The following MOCOS variants were observed in gnomAD, a reference collection of about 807,000 sequenced individuals.
MOCOS encodes human molybdenum cofactor sulfurase.
Under a neutral mutation model 83.6 loss-of-function variants are expected in MOCOS, and 86 were observed. The observed-to-expected ratio is 1.03, with a 90% CI of 0.86 to 1.23. MOCOS has a LOEUF of 1.23. MOCOS is among the 50% of genes most tolerant of loss of function. The pLI is 0.00. For synonymous variants in MOCOS, 445 were observed against 434.7 expected, an observed-to-expected ratio of 1.02 and a Z score of -0.29; for missense variants, 1,120 against 1,126.9, an observed-to-expected ratio of 0.99 and a Z score of 0.09.
chr18:36,200,369 G>A, intron 4 of MOCOS, 45 bp downstream of exon 4: 2 of 1,608,848 alleles, frequency 1.2e-6, no homozygotes, highest in Non-Finnish European at 1.7e-6. Flanking sequence ...CAGCAAGGTG[G>A]GGTCTGGCCT....
chr18:36,258,739 T>C (rs17672738), intron 12 of MOCOS, among the ~76,000 whole-genome samples: 1,664 of 152,330 alleles, frequency 0.011, 107 homozygotes, highest in Admixed American at 0.09. Flanking sequence ...AATACAGTTT[T>C]ACAGATGTAT....
chr18:36,238,495 G>A (rs1296996668), intron 9 of MOCOS, among the ~76,000 whole-genome samples: 2 of 149,084 alleles, frequency 1.3e-5, no homozygotes, highest in African/African-American at 4.9e-5. Flanking sequence ...TGTGGTCTGA[G>A]AGATAGTTTG....
At chr18:36,260,247 G>A in intron 13 of MOCOS, 72 bp downstream of exon 13, 2 of 1,585,160 alleles carry the variant, frequency 1.3e-6, no homozygotes, top group Non-Finnish European at 1.7e-6. Context: ...CCCAGACCTG[G>A]ATAGCTGCAG....
chr18:36,202,648 T>C (rs1246140267), intron 4 of MOCOS, among the ~76,000 whole-genome samples: 2 of 152,156 alleles, frequency 1.3e-5, no homozygotes, highest in Admixed American at 1.3e-4. Flanking sequence ...ATTACAGCGG[T>C]ATTAGTCCAA....
intron 6 of MOCOS, among the ~76,000 whole-genome samples, chr18:36,211,036 G>C (rs552140798): frequency 1.3e-5 from 2 of 151,894 alleles, no homozygotes; most frequent in East Asian, 3.9e-4. Context: ...TCTGTGCCTT[G>C]GTAGAGGAAG....
At chr18:36,264,425 C>T (rs12454634) in intron 13 of MOCOS, among the ~76,000 whole-genome samples, 34,966 of 151,954 alleles carry the variant, frequency 0.23, 4,221 homozygotes, top group Admixed American at 0.25. Context: ...TAAGAGGGTG[C>T]AGGAGCCACA....
chr18:36,245,370 T>G (rs2091598736), intron 9 of MOCOS, among the ~76,000 whole-genome samples: 1 of 152,218 alleles, frequency 6.6e-6, no homozygotes, highest in African/African-American at 2.4e-5. Context: ...GACTTTATCT[T>G]TCCTTCATTT....
chr18:36,207,044 T>C (rs900563043), intron 6 of MOCOS, among the ~76,000 whole-genome samples: 4 of 152,198 alleles, frequency 2.6e-5, no homozygotes, highest in African/African-American at 9.7e-5. Flanking sequence ...ATGGTAGCTC[T>C]GTTTGTTTGT....
chr18:36,234,668 A>G (rs1311296455), intron 9 of MOCOS, among the ~76,000 whole-genome samples: 1 of 152,132 alleles, frequency 6.6e-6, no homozygotes, highest in Non-Finnish European at 1.5e-5. Context: ...CATGAGCATT[A>G]GTCCATTTGT....
chr18:36,211,077 G>A (rs920029666), intron 6 of MOCOS, among the ~76,000 whole-genome samples: 2 of 151,966 alleles, frequency 1.3e-5, no homozygotes, highest in Non-Finnish European at 2.9e-5. Context: ...TGTGGCTAAG[G>A]CATGACTAAC....
In MOCOS at chr18:36,199,691, C is replaced by G. The variant is rs201906396; in HGVS notation, c.308C>G (p.Ala103Gly). 6.2e-7 allele frequency: 1 copy of G among 1,613,612 alleles called. No individual in the cohort carries two copies. Among genetic ancestry groups the G allele is most frequent in the Non-Finnish European group, 8.5e-7 (1 of 1,180,034 alleles). The change falls in exon 4 of 15, where the codon GCG (alanine) becomes GGG (glycine). Residue 103 changes from alanine to glycine, a missense_variant. Ala to Gly is a moderately conservative substitution (Grantham distance 60, BLOSUM62 0). Transcript: ENST00000261326. ...TVEQVRYRIL[A>G]HFHTTAEDYT... Reference sequence around the variant, plus strand: ...TGCTGTGCTTCTTCCAGAATCCTGGCGCACTTCCACACCACCGCAGAAGAC... The same window carrying G: ...TGCTGTGCTTCTTCCAGAATCCTGGGGCACTTCCACACCACCGCAGAAGAC...
At chr18:36,237,809 C>A (rs4435331) in intron 9 of MOCOS, among the ~76,000 whole-genome samples, 81,016 of 143,766 alleles carry the variant, frequency 0.56, 23,321 homozygotes, top group African/African-American at 0.7. Flanking sequence ...ACAATTTCAG[C>A]TCCTGTTATT....
Position 36,268,831 on chromosome 18 carries a change from G to A in MOCOS, c.*146G>A, listed in dbSNP as rs920263545. ...GGAATGCTCTCACCTGCTTCCTTCTGCCTTTGACTTCTCACCCTGCAAATT... is the reference window on the plus strand; with the variant it reads ...GGAATGCTCTCACCTGCTTCCTTCTACCTTTGACTTCTCACCCTGCAAATT... On this transcript the variant is annotated 3_prime_UTR_variant, in exon 15 of 15. Coordinates refer to ENST00000261326, the MANE Select transcript of MOCOS (RefSeq NM_017947.4). 4 of 729,624 alleles carry A rather than the reference G, an allele frequency of 5.5e-6. No individual in the cohort carries two copies. Among genetic ancestry groups the A allele is most frequent in the African/African-American group, 1.8e-5 (1 of 56,388 alleles). 45.2% of individuals were successfully genotyped at this position (729,624 alleles called of 1,614,324 possible).
chr18:36,256,993 C>T lies in MOCOS; in HGVS notation c.2190C>T (p.Thr730=), dbSNP rs1325922482. The change falls in exon 12 of 15, where the codon ACC becomes ACT. Residue 730 remains threonine, a synonymous_variant. Transcript: ENST00000261326. ...GKDQLPGTMA[T]LSLVNEAQYL... ...ATCAACTTCCTGGTACAATGGCCAC[C>T]CTTTCTCTGGTGAATGAGGCACAGT... 6.2e-7 allele frequency: 1 copy of T among 1,614,088 alleles called. No homozygotes were observed. Among genetic ancestry groups the T allele is most frequent in the Non-Finnish European group, 8.5e-7 (1 of 1,179,982 alleles).
intron 12 of MOCOS, among the ~76,000 whole-genome samples, chr18:36,257,768 A>G (rs2091648267): frequency 6.6e-6 from 1 of 152,178 alleles, no homozygotes. Context: ...CAGGCCAGAG[A>G]TGAGTGTTGT....
At chr18:36,257,167 G>A in intron 12 of MOCOS, 94 bp downstream of exon 12, 2 of 1,111,870 alleles carry the variant, frequency 1.8e-6, no homozygotes, top group Non-Finnish European at 1.4e-6. Flanking sequence ...AGATCTGAGA[G>A]TCATGAAGTT....
Position 36,198,304 on chromosome 18 carries a change from G to A in MOCOS, c.233-386G>A, listed in dbSNP as rs182393403. ...GTTAGGAGGCTGAGATGGGAGGATC[G>A]CTTGAGCCCAGGAGTTTGAGGCTGC... On this transcript the variant is annotated intron_variant, in intron 2 of 14. Transcript: ENST00000261326. Among the ~76,000 whole-genome samples, 556 of 152,168 alleles carry A rather than the reference G, an allele frequency of 3.7e-3. 4 individuals are homozygous for A. Among genetic ancestry groups the A allele is most frequent in the South Asian group, 0.023 (109 of 4,820 alleles).
chr18:36,269,039 T>C lies in MOCOS; in HGVS notation c.*354T>C, dbSNP rs2091691117. The C allele has an allele frequency of 3.4e-6, 1 of 296,928 alleles. No homozygotes were observed. Among genetic ancestry groups the C allele is most frequent in the African/African-American group, 2.2e-5 (1 of 45,280 alleles). 18.4% of individuals were successfully genotyped at this position (296,928 alleles called of 1,614,324 possible). ...CCTATTTTGCCATTTTCTCACATTGTTACTTTGTTTTTAGAGAGCATCTTT... is the reference window on the plus strand; with the variant it reads ...CCTATTTTGCCATTTTCTCACATTGCTACTTTGTTTTTAGAGAGCATCTTT... On this transcript the variant is annotated 3_prime_UTR_variant, in exon 15 of 15. Coordinates refer to ENST00000261326, the MANE Select transcript of MOCOS (RefSeq NM_017947.4).
intron 9 of MOCOS, among the ~76,000 whole-genome samples, chr18:36,243,405 A>G (rs2091591296): frequency 6.6e-6 from 1 of 152,130 alleles, no homozygotes; most frequent in African/African-American, 2.4e-5. Context: ...TTTATGTGGC[A>G]TATCACATTT....
Sources: gnomAD v4.1 joint callset for allele counts (sites outside exome capture counted in the v4.1 genomes callset) on GRCh38, gnomAD v4.1.1 for gene constraint, MANE v1.5 for transcripts, NCBI Gene and HGNC (gene_info 2026-07-23, HGNC 2026-07-21) for gene names.